CCDC9: variants seen among roughly 807,000 people sequenced by gnomAD.
The protein encoded by CCDC9 is coiled-coil domain containing 9, also known as coiled-coil domain-containing protein 9.
A neutral mutation model predicts 65.6 loss-of-function variants in CCDC9; 52 were observed. That is an observed-to-expected ratio of 0.79 (90% CI 0.63 to 1.00). The LOEUF (loss-of-function observed/expected upper bound fraction) is 1.00, where lower values mean the gene tolerates loss of function less well. CCDC9 is among the 50% of genes least tolerant of loss of function. The pLI, the probability that CCDC9 is intolerant of heterozygous loss-of-function variation, is 0.00. For missense variants in CCDC9, 834 were observed against 757.2 expected, an observed-to-expected ratio of 1.10 and a Z score of -1.19; for synonymous variants, 332 against 280.3, an observed-to-expected ratio of 1.18 and a Z score of -1.84.
chr19:47,256,950 T>G (rs1398087261), intron 1 of CCDC9, among the ~76,000 whole-genome samples: 2 of 149,058 alleles, frequency 1.3e-5, no homozygotes, highest in Non-Finnish European at 3.0e-5. Flanking sequence ...AAGTTTTGCC[T>G]TACTGGAAGT....
Position 47,264,644 on chromosome 19 carries a change from T to C in CCDC9, c.504T>C (p.Asn168=). The C allele has an allele frequency of 1.9e-6, 3 of 1,604,828 alleles. No individual in the cohort carries two copies. The highest frequency in any genetic ancestry group is 2.6e-6 in the Non-Finnish European group (3 of 1,175,910). Residue 168 remains asparagine, a synonymous_variant, in exon 6 of 12, where the codon AAT becomes AAC. Coordinates refer to ENST00000221922, the MANE Select transcript of CCDC9 (RefSeq NM_015603.3). The part of the protein sequence containing the change: ...ERRRQNIEKM[N]EEMEKIAEYE... ...GCAGGCAGAACATTGAGAAGATGAATGAGGAGATGGAGAAGATCGCCGAGT... is the reference window on the plus strand; with the variant it reads ...GCAGGCAGAACATTGAGAAGATGAACGAGGAGATGGAGAAGATCGCCGAGT...
intron 1 of CCDC9, among the ~76,000 whole-genome samples, chr19:47,257,222 G>T (rs2059016173): frequency 6.6e-6 from 1 of 151,314 alleles, no homozygotes; most frequent in Non-Finnish European, 1.5e-5. Context: ...GTGTGGGAGG[G>T]AGTCAGGGGG....
chr19:47,257,615 A>G (rs1359642913), intron 1 of CCDC9: 1 of 152,544 alleles, frequency 6.6e-6, no homozygotes, highest in African/African-American at 2.4e-5. Context: ...CGGGTGGAGT[A>G]TTCAGTGGGG....
Position 47,264,756 on chromosome 19 carries a change from T to C in CCDC9, c.547-17T>C. 1.9e-6 allele frequency: 3 copies of C among 1,605,770 alleles called. No individual in the cohort carries two copies. The highest frequency in any genetic ancestry group is 2.6e-6 in the Non-Finnish European group (3 of 1,176,094). On this transcript the variant is annotated splice_polypyrimidine_tract_variant and intron_variant, in intron 6 of 11. Transcript: ENST00000221922. ...CTGCGGGGAGCCCGCGCCAACCCCC[T>C]GCTCTGCTGCCTGCAGGAAGGGGTT...
intron 8 of CCDC9, among the ~76,000 whole-genome samples, 200 bp from the exon 9 acceptor site, chr19:47,270,207 G>C (rs556196699): frequency 6.6e-6 from 1 of 151,896 alleles, no homozygotes; most frequent in Non-Finnish European, 1.5e-5. Flanking sequence ...GGGCTCAAGC[G>C]ATCTGTCTGC....
At position 47,260,595 on chromosome 19, in the gene CCDC9, A is replaced by G. The variant is rs763156904; in HGVS notation, c.218A>G (p.Asn73Ser). ...CCATCTCCCCTCTTCCAGGAGAAGA[A>G]CCTGGGTCCTTCCCGGAGGTCTCCT... is the stretch of plus-strand genomic sequence containing the variant. ...KENVAVESEK[N>S]LGPSRRSPGT... Residue 73 changes from asparagine (N) to serine (S), a missense_variant, in exon 5 of 12, where the codon AAC becomes AGC. Transcript: ENST00000221922. 3 of 1,529,116 alleles carry G rather than the reference A, an allele frequency of 2.0e-6. No individual in the cohort carries two copies. Among genetic ancestry groups the G allele is most frequent in the African/African-American group, 2.8e-5 (2 of 72,324 alleles). 94.7% of individuals were successfully genotyped at this position (1,529,116 alleles called of 1,614,324 possible).
chr19:47,260,878 C>A, intron 5 of CCDC9, 39 bp downstream of exon 5: 1 of 1,581,594 alleles, frequency 6.3e-7, no homozygotes, highest in Non-Finnish European at 8.6e-7. Flanking sequence ...GGCTGAGGTT[C>A]TCTGTTGTCT....
rs762669943 is a variant in CCDC9, at chr19:47,260,767, G to GAGGGGCCGGGGCCGA, written c.391_405dup (p.Arg131_Arg135dup). 6.2e-6 allele frequency: 10 copies of GAGGGGCCGGGGCCGA among 1,610,606 alleles called. No individual in the cohort carries two copies. The highest frequency in any genetic ancestry group is 4.2e-6 in the Non-Finnish European group (5 of 1,178,804). On this transcript the variant is annotated inframe_insertion, in exon 5 of 12. Transcript: ENST00000221922. Reference sequence around the variant, plus strand: ...GAGGAGGAGCTGGGGGCCGTGGCCGGAGGGGCCGGGGCCGAGGTTCACCTC... The same window carrying GAGGGGCCGGGGCCGA: ...GAGGAGGAGCTGGGGGCCGTGGCCGGAGGGGCCGGGGCCGAAGGGGCCGGGGCCGAGGTTCACCTC...
intron 7 of CCDC9, among the ~76,000 whole-genome samples, chr19:47,266,124 A>T (rs2123466115): frequency 6.9e-6 from 1 of 145,158 alleles, no homozygotes; most frequent in African/African-American, 2.6e-5. Flanking sequence ...GCCTCCCGAA[A>T]AGCTGGGACT....
At chr19:47,260,549 G>T in intron 4 of CCDC9, 39 bp from the exon 5 acceptor site, 1 of 1,551,672 alleles carries the variant, frequency 6.4e-7, no homozygotes, top group East Asian at 2.2e-5. Flanking sequence ...ATGCCTCCCT[G>T]CCCCAGTGAC....
At position 47,270,936 on chromosome 19, in the gene CCDC9, C is replaced by T. The variant is rs1187850394; in HGVS notation, c.1086-146C>T. ...CCCCACTTTCGTTCTGTCCTTGACA[C>T]ATGGGGACACACATCCGCCATTCCC... On this transcript the variant is annotated intron_variant, in intron 10 of 11. Coordinates refer to ENST00000221922, the MANE Select transcript of CCDC9 (RefSeq NM_015603.3). 4.1e-6 allele frequency: 3 copies of T among 734,992 alleles called. No homozygotes were observed. The East Asian group carries it at 8.1e-5, about 20-fold the overall frequency. The allele number at this position is 734,992 out of a possible 1,614,324, so 45.5% of individuals were successfully genotyped here. A position where few individuals can be genotyped will look rare whatever the true frequency, so the allele number is the denominator to read the frequency against.
At chr19:47,258,942 C>G (rs188000564) in intron 3 of CCDC9, among the ~76,000 whole-genome samples, 1 of 152,212 alleles carries the variant, frequency 6.6e-6, no homozygotes, top group Admixed American at 6.5e-5. Flanking sequence ...CAGGGTCCAC[C>G]GTCTAGTCAG....
chr19:47,263,953 A>G lies in CCDC9; in HGVS notation c.463-650A>G, dbSNP rs2059062794. Among the ~76,000 whole-genome samples the G allele has an allele frequency of 2.0e-5, 3 of 151,540 alleles. No individual in the cohort carries two copies. The Admixed American group carries it at 2.0e-4, about 10-fold the overall frequency. ...GAGTGCAGTGGCACAATCTCGGCTCACTGCAACGTCCACCTCCTGGGTTCA... is the reference window on the plus strand; with the variant it reads ...GAGTGCAGTGGCACAATCTCGGCTCGCTGCAACGTCCACCTCCTGGGTTCA... On this transcript the variant is annotated intron_variant, in intron 5 of 11. Transcript: ENST00000221922.
At chr19:47,274,947 G>A (rs2059147344), downstream of CCDC9, 4 of 1,359,778 alleles carry the variant, frequency 2.9e-6, no homozygotes, top group Non-Finnish European at 3.8e-6. Flanking sequence ...CGTGGGCGGC[G>A]GCGCCGAGAG....
chr19:47,262,751 A>T (rs918772635), intron 5 of CCDC9, among the ~76,000 whole-genome samples: 1 of 152,014 alleles, frequency 6.6e-6, no homozygotes, highest in Non-Finnish European at 1.5e-5. Context: ...GCCCATCTAA[A>T]ATTTTGTCAC....
At chr19:47,272,290 A>C, downstream of CCDC9, 1 of 614,542 alleles carries the variant, frequency 1.6e-6, no homozygotes, top group Non-Finnish European at 2.4e-6. Context: ...GGTGAGGTGA[A>C]AAGGGTGAGC....
chr19:47,257,299 C>T (rs1466737664), intron 1 of CCDC9, among the ~76,000 whole-genome samples: 1 of 139,046 alleles, frequency 7.2e-6, no homozygotes. Context: ...AGGCCGGGGG[C>T]GGGGCTGGAA....
chr19:47,258,781 A>T, intron 3 of CCDC9, 118 bp downstream of exon 3: 2 of 722,632 alleles, frequency 2.8e-6, no homozygotes, highest in Non-Finnish European at 4.9e-6. Flanking sequence ...GATAAAGGCC[A>T]AAGGCCTTAG....
downstream of CCDC9, chr19:47,274,048 T>A (rs1009554746): frequency 3.4e-6 from 3 of 880,522 alleles, no homozygotes; most frequent in African/African-American, 5.4e-5. Context: ...AGGAGGGGTT[T>A]ATCTGGATTT....
Sources: allele counts gnomAD v4.1 joint callset (sites outside exome capture counted in the v4.1 genomes callset), GRCh38; gene constraint gnomAD v4.1.1; transcripts MANE v1.5; gene names NCBI Gene and HGNC (gene_info 2026-07-23, HGNC 2026-07-21).